Variants in VWC2 observed in about 807,000 individuals in gnomAD.
The protein encoded by VWC2 is brorin.
A neutral mutation model predicts 29.8 loss-of-function variants in VWC2; 14 were observed. The ratio of observed to expected loss-of-function variants is 0.47; its 90% CI spans 0.31 to 0.74. VWC2 has a LOEUF of 0.74. Among genes scored for constraint, VWC2 ranks in the 30% least tolerant of loss-of-function variants. VWC2 has a pLI of 0.05. For missense variants in VWC2, 457 were observed against 459.8 expected (o/e 0.99, Z 0.05); for synonymous variants, 213 against 199.0 (o/e 1.07, Z -0.59).
At chr7:49,799,668 C>T (rs1289746713) in intron 2 of VWC2, among the ~76,000 whole-genome samples, 1 of 152,242 alleles carries the variant, frequency 6.6e-6, no homozygotes, top group Non-Finnish European at 1.5e-5. Flanking sequence ...TACAATCATG[C>T]ATCACTAAAT....
chr7:49,781,536 G>A (rs936712063), intron 2 of VWC2, among the ~76,000 whole-genome samples: 15 of 152,100 alleles, frequency 9.9e-5, no homozygotes, highest in Admixed American at 2.0e-4. Context: ...ACTAAGGTCC[G>A]AAAAAGTTAA....
rs144459071 is a variant in VWC2 at position 49,868,888 on chromosome 7, G to A, written c.827-43146G>A. Among the ~76,000 whole-genome samples the A allele has an allele frequency of 6.8e-4, 104 of 152,284 alleles. 1 individual carries two copies. The East Asian group carries it at 0.018, about 27-fold the overall frequency. On this transcript the variant is annotated intron_variant, in intron 3 of 3. Transcript: ENST00000340652. ...CCTGCCTCGGCCTCCCAAAGTGCTG[G>A]GATTACGGGCATGAGCCACTGCACC...
chr7:49,799,005 T>C (rs1299241797), intron 2 of VWC2, among the ~76,000 whole-genome samples: 1 of 151,934 alleles, frequency 6.6e-6, no homozygotes, highest in African/African-American at 2.4e-5. Flanking sequence ...AGGACAGCAT[T>C]GAGGGGGCAT....
At chr7:49,870,391 C>T (rs867117738) in intron 3 of VWC2, among the ~76,000 whole-genome samples, 6 of 152,154 alleles carry the variant, frequency 3.9e-5, no homozygotes, top group Admixed American at 1.3e-4. Context: ...CGCAGTGAGA[C>T]TCCGTCTCAA....
chr7:49,910,614 A>G (rs1334937064), intron 3 of VWC2, among the ~76,000 whole-genome samples: 1 of 148,494 alleles, frequency 6.7e-6, no homozygotes, highest in Non-Finnish European at 1.5e-5. Flanking sequence ...TTAAAAAAAA[A>G]TGTGTTTTAA....
At chr7:49,807,961 T>C (rs1284870235) in intron 3 of VWC2, among the ~76,000 whole-genome samples, 3 of 152,142 alleles carry the variant, frequency 2.0e-5, no homozygotes, top group Non-Finnish European at 2.9e-5. Context: ...CAACTTTCTG[T>C]GTACATCAAT....
chr7:49,868,844 C>G (rs150521342), intron 3 of VWC2, among the ~76,000 whole-genome samples: 6,838 of 152,262 alleles, frequency 0.045, 153 homozygotes, highest in Middle Eastern at 0.061. Flanking sequence ...GTCTTGAACT[C>G]CTAACCTCAA....
At chr7:49,813,695 C>A (rs908195683) in intron 3 of VWC2, among the ~76,000 whole-genome samples, 1 of 152,040 alleles carries the variant, frequency 6.6e-6, no homozygotes, top group Non-Finnish European at 1.5e-5. Flanking sequence ...TATTAACGTG[C>A]AATAATACTT....
intron 3 of VWC2, among the ~76,000 whole-genome samples, chr7:49,807,313 T>C (rs1788901518): frequency 6.6e-6 from 1 of 152,184 alleles, no homozygotes; most frequent in African/African-American, 2.4e-5. Flanking sequence ...CCAAATGGTA[T>C]ACAAAAGCTA....
At chr7:49,909,801 C>T (rs868492997) in intron 3 of VWC2, among the ~76,000 whole-genome samples, 1 of 152,068 alleles carries the variant, frequency 6.6e-6, no homozygotes, top group Non-Finnish European at 1.5e-5. Context: ...GAACAGGGGA[C>T]AAGAAGAAAA....
intron 3 of VWC2, among the ~76,000 whole-genome samples, chr7:49,886,944 CT>C (rs1440827926): frequency 1.3e-5 from 2 of 150,556 alleles, no homozygotes; most frequent in Non-Finnish European, 3.0e-5. Context: ...ATTTTTTTTT[CT>C]TTTTCTTTTG....
At chr7:49,781,696 C>T (rs1286691346) in intron 2 of VWC2, among the ~76,000 whole-genome samples, 3 of 151,956 alleles carry the variant, frequency 2.0e-5, no homozygotes, top group South Asian at 2.1e-4. Flanking sequence ...TTCAGGTACC[C>T]GGAAAAAGGA....
At position 49,844,579 on chromosome 7, in the gene VWC2, T is replaced by C. The variant is rs74713021; in HGVS notation, c.826+41739T>C. Among the ~76,000 whole-genome samples the C allele has an allele frequency of 4.3e-3, 657 of 152,320 alleles. 1 individual carries two copies. The highest frequency in any genetic ancestry group is 0.014 in the African/African-American group (564 of 41,572). On this transcript the variant is annotated intron_variant, in intron 3 of 3. Coordinates refer to ENST00000340652, the MANE Select transcript of VWC2 (RefSeq NM_198570.5). ...GTAGCAAACAGAAGCCCTAGAAAGGTAATGCAGCATGGAAGATTGTGAGAG... is the reference window on the plus strand; with the variant it reads ...GTAGCAAACAGAAGCCCTAGAAAGGCAATGCAGCATGGAAGATTGTGAGAG...
At chr7:49,788,553 G>C (rs186958112) in intron 2 of VWC2, among the ~76,000 whole-genome samples, 1 of 149,850 alleles carries the variant, frequency 6.7e-6, no homozygotes, top group South Asian at 2.1e-4. Flanking sequence ...ATGTGTAAGT[G>C]TGAGAGTGTG....
At chr7:49,879,635 A>T (rs1389536834) in intron 3 of VWC2, among the ~76,000 whole-genome samples, 1 of 152,170 alleles carries the variant, frequency 6.6e-6, no homozygotes, top group African/African-American at 2.4e-5. Context: ...ACTCTGTCCC[A>T]ACCCCAACTG....
chr7:49,784,809 C>T (rs372893072), intron 2 of VWC2, among the ~76,000 whole-genome samples: 3 of 152,140 alleles, frequency 2.0e-5, no homozygotes, highest in Non-Finnish European at 2.9e-5. Context: ...CAAACACACA[C>T]GGGGTGAATG....
intron 2 of VWC2, among the ~76,000 whole-genome samples, chr7:49,786,599 A>G (rs2128702582): frequency 6.6e-6 from 1 of 152,336 alleles, no homozygotes; most frequent in South Asian, 2.1e-4. Flanking sequence ...ATTCCCTCCA[A>G]CAGTGTATTA....
rs1311753759 is a variant in VWC2 at position 49,918,143 on chromosome 7, G to T, written c.*5958G>T. On this transcript the variant is annotated 3_prime_UTR_variant, in exon 4 of 4. Transcript: ENST00000340652. ...ACTTATTATCACATTTAACCTCACA[G>T]TTCTCCCAAATTGTGGGTAATGCTA... 1 of 152,170 alleles carries T rather than the reference G, an allele frequency of 6.6e-6. No individual in the cohort carries two copies. The allele number at this position is 152,170 out of a possible 1,614,324, so 9.4% of individuals were successfully genotyped here.
intron 3 of VWC2, among the ~76,000 whole-genome samples, chr7:49,894,758 G>A (rs1446245220): frequency 6.6e-6 from 1 of 152,102 alleles, no homozygotes; most frequent in African/African-American, 2.4e-5. Flanking sequence ...CAGGAGGGGA[G>A]GCTCAACTAA....
Sources: allele counts gnomAD v4.1 joint callset (sites outside exome capture counted in the v4.1 genomes callset), GRCh38; gene constraint gnomAD v4.1.1; transcripts MANE v1.5; gene names NCBI Gene and HGNC (gene_info 2026-07-23, HGNC 2026-07-21).